RAD51B: variants seen among roughly 807,000 people sequenced by gnomAD.
RAD51B encodes the protein RAD51 paralog B, also known as DNA repair protein RAD51 homolog 2.
In RAD51B, 38 loss-of-function variants were observed where a neutral mutation model predicts 42.2. That is an observed-to-expected ratio of 0.90 (90% CI 0.70 to 1.18). The LOEUF is 1.18. RAD51B is among the 50% of genes most tolerant of loss of function. The pLI is 0.00. For missense variants in RAD51B, 373 were observed against 400.7 expected (o/e 0.93, Z 0.59); for synonymous variants, 154 against 145.2 (o/e 1.06, Z -0.43).
chr14:67,882,501 T>C (rs1189466642), intron 5 of RAD51B, among the ~76,000 whole-genome samples: 2 of 152,242 alleles, frequency 1.3e-5, no homozygotes, highest in African/African-American at 2.4e-5. Flanking sequence ...CCTATTGATA[T>C]CTGAATTCTG....
chr14:68,415,457 G>A (rs1182478632), intron 9 of RAD51B, among the ~76,000 whole-genome samples: 5 of 152,120 alleles, frequency 3.3e-5, no homozygotes, highest in African/African-American at 9.7e-5. Context: ...AACTAGTTGC[G>A]CTGGAGATTC....
chr14:67,987,809 G>C (rs2075220532), intron 7 of RAD51B, among the ~76,000 whole-genome samples: 1 of 152,134 alleles, frequency 6.6e-6, no homozygotes, highest in Non-Finnish European at 1.5e-5. Context: ...ACCATATTGT[G>C]GTTTGTCTGT....
At chr14:68,235,928 C>G (rs2080247174) in intron 7 of RAD51B, among the ~76,000 whole-genome samples, 1 of 151,966 alleles carries the variant, frequency 6.6e-6, no homozygotes, top group South Asian at 2.1e-4. Context: ...GAGCTGGAAG[C>G]CATTATCCTA....
intron 7 of RAD51B, among the ~76,000 whole-genome samples, chr14:68,252,146 A>T (rs2141022334): frequency 6.6e-6 from 1 of 152,282 alleles, no homozygotes; most frequent in South Asian, 2.1e-4. Context: ...GAGTATACCT[A>T]TAACCAGGCA....
chr14:68,230,502 G>A (rs536337531), intron 7 of RAD51B, among the ~76,000 whole-genome samples: 1 of 152,310 alleles, frequency 6.6e-6, no homozygotes, highest in South Asian at 2.1e-4. Flanking sequence ...GGAAGGCCCT[G>A]TACCTTAGAT....
intron 7 of RAD51B, among the ~76,000 whole-genome samples, chr14:68,279,562 C>T (rs957921810): frequency 6.6e-6 from 1 of 152,180 alleles, no homozygotes; most frequent in African/African-American, 2.4e-5. Context: ...AACCCCTGGC[C>T]CTATCACCTC....
At chr14:68,420,710 T>C (rs1257691568) in intron 9 of RAD51B, among the ~76,000 whole-genome samples, 2 of 152,254 alleles carry the variant, frequency 1.3e-5, no homozygotes, top group Admixed American at 1.3e-4. Flanking sequence ...ACTTCTTTAC[T>C]GCAACCTGCT....
intron 9 of RAD51B, among the ~76,000 whole-genome samples, chr14:68,450,096 A>G (rs1316451762): frequency 1.3e-5 from 2 of 151,454 alleles, no homozygotes; most frequent in African/African-American, 4.8e-5. Flanking sequence ...GGCCAAGCCC[A>G]AGGTTGCTGT....
At chr14:68,088,811 CTG>C (rs2077043060) in intron 7 of RAD51B, among the ~76,000 whole-genome samples, 1 of 152,084 alleles carries the variant, frequency 6.6e-6, no homozygotes, top group Admixed American at 6.6e-5. Flanking sequence ...ATGGGCGTAA[CTG>C]AAGAAGGAGG....
chr14:67,947,844 C>A (rs917088687), intron 7 of RAD51B, among the ~76,000 whole-genome samples: 18 of 152,146 alleles, frequency 1.2e-4, no homozygotes, highest in African/African-American at 4.3e-4. Flanking sequence ...AATCTGCAGC[C>A]TAAAAGGTAG....
intron 2 of RAD51B, 75 bp from the exon 3 acceptor site, chr14:67,825,389 A>G: frequency 7.1e-6 from 7 of 983,902 alleles, no homozygotes; most frequent in African/African-American, 1.7e-5. Flanking sequence ...AGCAGTATCA[A>G]TTGAAGGTTT....
At chr14:68,503,364 C>A (rs1885052493) in intron 10 of RAD51B, among the ~76,000 whole-genome samples, 2 of 143,610 alleles carry the variant, frequency 1.4e-5, no homozygotes, top group Admixed American at 1.4e-4. Flanking sequence ...ATGGACAAGC[C>A]TTTAGGAGTA....
At chr14:67,865,223 A>G in intron 5 of RAD51B, 84 bp downstream of exon 5, 1 of 1,226,570 alleles carries the variant, frequency 8.2e-7, no homozygotes, top group Non-Finnish European at 1.1e-6. Context: ...GTTAACATTT[A>G]CCACCCCTCC....
chr14:68,310,131 C>G (rs1470957627), intron 8 of RAD51B, among the ~76,000 whole-genome samples: 1 of 152,164 alleles, frequency 6.6e-6, no homozygotes, highest in Non-Finnish European at 1.5e-5. Flanking sequence ...GGTTTTGAAT[C>G]AATCAGTTGT....
intron 10 of RAD51B, among the ~76,000 whole-genome samples, chr14:68,521,148 G>A (rs574798646): frequency 1.3e-5 from 2 of 152,316 alleles, no homozygotes; most frequent in South Asian, 4.1e-4. Context: ...GGCAACAGCT[G>A]GGGCCTGCTC....
intron 10 of RAD51B, among the ~76,000 whole-genome samples, chr14:68,546,042 A>C (rs1274779187): frequency 4.6e-5 from 7 of 152,224 alleles, no homozygotes; most frequent in African/African-American, 1.7e-4. Flanking sequence ...GAGTTCCACG[A>C]GGACAGGGAC....
At chr14:67,831,165 G>A (rs969678061) in intron 3 of RAD51B, among the ~76,000 whole-genome samples, 8 of 151,942 alleles carry the variant, frequency 5.3e-5, no homozygotes, top group Admixed American at 3.3e-4. Flanking sequence ...GTGAACCACC[G>A]CCCCCGGCCA....
intron 7 of RAD51B, among the ~76,000 whole-genome samples, chr14:68,023,475 C>T (rs573474170): frequency 6.6e-5 from 10 of 152,150 alleles, no homozygotes; most frequent in East Asian, 3.9e-4. Flanking sequence ...TACAGGCGTG[C>T]GCCATGAGGC....
At chr14:68,584,199 C>A (rs1240307711) in intron 10 of RAD51B, among the ~76,000 whole-genome samples, 2 of 152,112 alleles carry the variant, frequency 1.3e-5, no homozygotes, top group Admixed American at 1.3e-4. Flanking sequence ...TGACTCTAAT[C>A]CCCACCAGCC....
Sources: allele counts gnomAD v4.1 joint callset (sites outside exome capture counted in the v4.1 genomes callset), GRCh38; gene constraint gnomAD v4.1.1; transcripts MANE v1.5; gene names NCBI Gene and HGNC (gene_info 2026-07-23, HGNC 2026-07-21).